Variants in MTMR3 observed in about 807,000 individuals in gnomAD.
The protein encoded by MTMR3 is phosphatidylinositol-3,5-bisphosphate 3-phosphatase MTMR3.
In MTMR3, 32 loss-of-function variants were observed where a neutral mutation model predicts 132.4. The observed-to-expected ratio is 0.24, with a 90% confidence interval of 0.18 to 0.32. MTMR3 has a LOEUF of 0.32. Ranked by LOEUF, MTMR3 falls within the 10% of genes least tolerant of loss-of-function variation. The pLI, the probability that MTMR3 is intolerant of heterozygous loss-of-function variation, is 1.00. For synonymous variants in MTMR3, 556 were observed against 550.3 expected, an observed-to-expected ratio of 1.01 and a Z score of -0.14; for missense variants, 1,216 against 1,489.6, an observed-to-expected ratio of 0.82 and a Z score of 3.02.
intron 1 of MTMR3, among the ~76,000 whole-genome samples, chr22:29,889,284 C>CT (rs71324792): frequency 0.22 from 26,113 of 116,344 alleles, 3,571 homozygotes; most frequent in South Asian, 0.46. Context: ...AGCTACGGAA[C>CT]TTTTTTTTTT....
chr22:29,907,710 C>G (rs1296536313), intron 1 of MTMR3, among the ~76,000 whole-genome samples: 1 of 152,188 alleles, frequency 6.6e-6, no homozygotes, highest in Non-Finnish European at 1.5e-5. Context: ...TTTAACAAAA[C>G]TGCTTAACCT....
intron 1 of MTMR3, among the ~76,000 whole-genome samples, chr22:29,948,113 C>A (rs1051496676): frequency 6.6e-6 from 1 of 152,138 alleles, no homozygotes; most frequent in African/African-American, 2.4e-5. Context: ...TTTCACATAG[C>A]CTCTAGTATT....
chr22:29,954,059 C>T lies in MTMR3; in HGVS notation c.-137-2977C>T, dbSNP rs200202596. 3.0e-3 allele frequency among the ~76,000 whole-genome samples: 242 copies of T among 79,368 alleles called. 1 individual carries two copies. The highest frequency in any genetic ancestry group is 4.3e-3 in the East Asian group (10 of 2,340). 52.1% of individuals were successfully genotyped at this position (79,368 alleles called of 152,430 possible). ...CCCTTTTTTTTTCTTTCAAATGAGT[C>T]TTTTTTTTTTTTTTTTTTTTTTTTG... is the stretch of plus-strand genomic sequence containing the variant. On this transcript the variant is annotated intron_variant, in intron 1 of 19. Coordinates refer to ENST00000401950, the MANE Select transcript of MTMR3 (RefSeq NM_021090.4).
intron 7 of MTMR3, 148 bp from the exon 8 acceptor site, chr22:29,998,613 G>C: frequency 2.6e-6 from 1 of 386,368 alleles, no homozygotes. Context: ...ACTGCACTCC[G>C]GCCTATGTGA....
At chr22:29,988,199 G>A (rs2066894613) in intron 5 of MTMR3, 1 of 221,272 alleles carries the variant, frequency 4.5e-6, no homozygotes, top group Non-Finnish European at 9.0e-6. Context: ...TTGTGAATTC[G>A]GTGCCTGAGA....
Position 30,012,544 on chromosome 22 carries a change from C to G in MTMR3, c.1298C>G (p.Pro433Arg), listed in dbSNP as rs376008261. ...IVALAKLLLD[P>R]YYRTIEGFQV... Reference sequence around the variant, plus strand: ...GCATTGGCTAAGCTCTTGCTGGACCCTTATTACCGAACCATAGAGGTGAGC... The same window carrying G: ...GCATTGGCTAAGCTCTTGCTGGACCGTTATTACCGAACCATAGAGGTGAGC... The change falls in exon 13 of 20, where the codon CCT becomes CGT. Residue 433 changes from proline to arginine, a missense_variant. By Grantham distance (103) the Pro-to-Arg change is moderately radical. Transcript: ENST00000401950. 2.5e-6 allele frequency: 4 copies of G among 1,612,140 alleles called. No individual in the cohort carries two copies. The highest frequency in any genetic ancestry group is 1.3e-5 in the African/African-American group (1 of 74,914).
chr22:29,886,830 G>A (rs772703601), intron 1 of MTMR3, among the ~76,000 whole-genome samples: 1 of 152,134 alleles, frequency 6.6e-6, no homozygotes, highest in Non-Finnish European at 1.5e-5. Context: ...TTTTACATTG[G>A]GAACTTCATA....
intron 3 of MTMR3, among the ~76,000 whole-genome samples, chr22:29,973,016 T>C (rs2066566268): frequency 6.6e-6 from 1 of 152,250 alleles, no homozygotes; most frequent in Non-Finnish European, 1.5e-5. Flanking sequence ...CTAATGATCA[T>C]TTTACTAGCT....
intron 1 of MTMR3, among the ~76,000 whole-genome samples, chr22:29,925,252 C>T (rs757984278): frequency 3.3e-5 from 5 of 152,116 alleles, no homozygotes; most frequent in Admixed American, 1.3e-4. Context: ...AGATCGGTCT[C>T]ACACTCCTGG....
chr22:29,895,648 C>A (rs2064878808), intron 1 of MTMR3, among the ~76,000 whole-genome samples: 1 of 152,136 alleles, frequency 6.6e-6, no homozygotes, highest in African/African-American at 2.4e-5. Flanking sequence ...TTTCTGTGGA[C>A]CAGTGCTGGC....
intron 7 of MTMR3, chr22:29,997,507 A>G (rs940748873): frequency 1.3e-5 from 2 of 152,220 alleles, no homozygotes; most frequent in African/African-American, 4.8e-5. Context: ...AGGACTGTGT[A>G]TGTTTTCAAG....
chr22:29,931,030 A>AC (rs1569009989), intron 1 of MTMR3, among the ~76,000 whole-genome samples: 1 of 151,896 alleles, frequency 6.6e-6, no homozygotes, highest in Non-Finnish European at 1.5e-5. Context: ...AAAAAAAAAA[A>AC]AACTTAAAAA....
At chr22:29,896,013 G>A (rs2064887674) in intron 1 of MTMR3, among the ~76,000 whole-genome samples, 2 of 152,064 alleles carry the variant, frequency 1.3e-5, no homozygotes, top group South Asian at 4.1e-4. Context: ...CACTTATCAA[G>A]CTTTTTCACC....
chr22:29,951,320 C>G, intron 1 of MTMR3, among the ~76,000 whole-genome samples: 1 of 152,042 alleles, frequency 6.6e-6, no homozygotes, highest in East Asian at 1.9e-4. Flanking sequence ...TTATATATGG[C>G]TGATATTCCC....
chr22:29,948,576 C>A (rs143781390), intron 1 of MTMR3, among the ~76,000 whole-genome samples: 1 of 152,188 alleles, frequency 6.6e-6, no homozygotes, highest in Non-Finnish European at 1.5e-5. Flanking sequence ...CTCTTGAGTT[C>A]TAATGGCAAG....
At chr22:29,909,533 A>G (rs1360833510) in intron 1 of MTMR3, among the ~76,000 whole-genome samples, 1 of 152,106 alleles carries the variant, frequency 6.6e-6, no homozygotes, top group African/African-American at 2.4e-5. Flanking sequence ...CTCTTTATAA[A>G]ATGAGGATAA....
intron 1 of MTMR3, among the ~76,000 whole-genome samples, chr22:29,933,308 CA>C (rs200465852): frequency 1.3e-5 from 2 of 149,758 alleles, no homozygotes; most frequent in Admixed American, 6.6e-5. Flanking sequence ...ATTATCCAGG[CA>C]AAAAAAACTG....
chr22:29,937,913 A>G (rs533629340), intron 1 of MTMR3, among the ~76,000 whole-genome samples: 21 of 152,278 alleles, frequency 1.4e-4, no homozygotes, highest in Non-Finnish European at 2.4e-4. Context: ...TGAGACAGGA[A>G]TAATACAGGG....
At chr22:29,900,837 C>T (rs2064990612) in intron 1 of MTMR3, among the ~76,000 whole-genome samples, 1 of 152,120 alleles carries the variant, frequency 6.6e-6, no homozygotes, top group Admixed American at 6.5e-5. Flanking sequence ...CCTCATCCCC[C>T]TAAGTAGCTG....
Sources: allele counts gnomAD v4.1 joint callset (sites outside exome capture counted in the v4.1 genomes callset), GRCh38; gene constraint gnomAD v4.1.1; transcripts MANE v1.5; gene names NCBI Gene and HGNC (gene_info 2026-07-23, HGNC 2026-07-21).